The following ACTR3C variants were observed in gnomAD, a reference collection of about 807,000 sequenced individuals.
The protein encoded by ACTR3C is actin related protein 3C.
Under a neutral mutation model 26.3 loss-of-function variants are expected in ACTR3C, and 18 were observed. The ratio of observed to expected loss-of-function variants is 0.68; its 90% confidence interval spans 0.47 to 1.01. ACTR3C has a LOEUF of 1.01. Among genes scored for constraint, ACTR3C ranks in the 50% least tolerant of loss-of-function variants. The probability of loss-of-function intolerance (pLI) is 0.00; values close to 1 mark genes in which losing one functional copy is unlikely to be tolerated. For missense variants in ACTR3C, 184 were observed against 250.7 expected (o/e 0.73, Z 1.80); for synonymous variants, 55 against 94.5 (o/e 0.58, Z 2.42).
chr7:149,898,447 T>G, the ACTR3C span, among the ~76,000 whole-genome samples: 3 of 152,238 alleles, frequency 2.0e-5, no homozygotes, highest in Non-Finnish European at 4.4e-5. Flanking sequence ...GGCTCACGCC[T>G]GTAATCCCAA....
rs115014566 is a variant in ACTR3C at position 150,307,311 on chromosome 7, C to T, written c.-51-11964G>A. Reference sequence around the variant, plus strand: ...TGCACATGTACATCCAGATGGCCTGCAGGAGCCAAGAAGTCTGGTGCAGCC... The same window carrying T: ...TGCACATGTACATCCAGATGGCCTGTAGGAGCCAAGAAGTCTGGTGCAGCC... On this transcript the variant is annotated intron_variant, in intron 1 of 7. Coordinates refer to ENST00000683684, the MANE Select transcript of ACTR3C (RefSeq NM_001164458.2). 6.7e-3 allele frequency among the ~76,000 whole-genome samples: 1,019 copies of T among 152,344 alleles called. 17 individuals are homozygous for T. Among genetic ancestry groups the T allele is most frequent in the African/African-American group, 0.022 (935 of 41,582 alleles).
At chr7:149,949,585 T>A in the ACTR3C span, among the ~76,000 whole-genome samples, 1 of 147,210 alleles carries the variant, frequency 6.8e-6, no homozygotes, top group Middle Eastern at 3.4e-3. Context: ...GACGAGAGAA[T>A]GAGAACTGGG....
the ACTR3C span, among the ~76,000 whole-genome samples, chr7:149,911,188 A>G: frequency 1.4e-3 from 218 of 152,094 alleles, no homozygotes; most frequent in African/African-American, 5.1e-3. Context: ...TATTTCTGGA[A>G]TTATATTCCA....
intron 6 of ACTR3C, among the ~76,000 whole-genome samples, chr7:150,280,257 G>C (rs1266448094): frequency 6.6e-6 from 1 of 152,092 alleles, no homozygotes; most frequent in Non-Finnish European, 1.5e-5. Flanking sequence ...TGAAGCCCAC[G>C]GTGGGCCCAG....
the ACTR3C span, among the ~76,000 whole-genome samples, chr7:149,961,467 C>G: frequency 6.6e-6 from 1 of 151,774 alleles, no homozygotes; most frequent in East Asian, 1.9e-4. Context: ...GAAGCATGCT[C>G]TCTTAGGAAG....
the ACTR3C span, among the ~76,000 whole-genome samples, chr7:150,095,426 A>T: frequency 6.6e-6 from 1 of 150,708 alleles, no homozygotes; most frequent in Non-Finnish European, 1.5e-5. Flanking sequence ...AGGCTATTCC[A>T]TAAGGCTAGA....
chr7:149,914,518 T>C, the ACTR3C span, among the ~76,000 whole-genome samples: 7 of 151,628 alleles, frequency 4.6e-5, no homozygotes, highest in South Asian at 1.5e-3. Context: ...GCGTGAGCCC[T>C]GGCGCCACTG....
the ACTR3C span, among the ~76,000 whole-genome samples, chr7:150,111,952 G>A: frequency 2.0e-5 from 3 of 152,038 alleles, no homozygotes; most frequent in East Asian, 1.9e-4. Flanking sequence ...CTGACTCCTC[G>A]TTTTTTAAGT....
At chr7:149,970,690 A>G in the ACTR3C span, among the ~76,000 whole-genome samples, 19 of 152,264 alleles carry the variant, frequency 1.2e-4, no homozygotes, top group South Asian at 4.2e-4. Context: ...CAACCAACCA[A>G]AATGCTAAAT....
chr7:149,991,857 G>A, the ACTR3C span, among the ~76,000 whole-genome samples: 1 of 152,226 alleles, frequency 6.6e-6, no homozygotes, highest in African/African-American at 2.4e-5. Flanking sequence ...AGCCTCTGGA[G>A]TAGCTGGGAC....
At chr7:150,055,037 G>C in the ACTR3C span, among the ~76,000 whole-genome samples, 1 of 152,218 alleles carries the variant, frequency 6.6e-6, no homozygotes, top group African/African-American at 2.4e-5. Context: ...AGGACTGTTA[G>C]AAACCACTAG....
At chr7:150,089,608 G>A in the ACTR3C span, among the ~76,000 whole-genome samples, 1 of 152,160 alleles carries the variant, frequency 6.6e-6, no homozygotes, top group South Asian at 2.1e-4. Flanking sequence ...TTATGTTAAA[G>A]GTTATCCTGC....
the ACTR3C span, among the ~76,000 whole-genome samples, chr7:150,029,514 C>T: frequency 6.6e-6 from 1 of 151,852 alleles, no homozygotes; most frequent in South Asian, 2.1e-4. Context: ...TTGCAGTGAG[C>T]TATGATCATA....
intron 1 of ACTR3C, among the ~76,000 whole-genome samples, chr7:150,300,238 C>A (rs1444333769): frequency 6.6e-6 from 1 of 151,880 alleles, no homozygotes; most frequent in Non-Finnish European, 1.5e-5. Context: ...GTAGTCCTAG[C>A]TACTCAGGAG....
At chr7:149,995,273 T>C in the ACTR3C span, among the ~76,000 whole-genome samples, 1 of 152,280 alleles carries the variant, frequency 6.6e-6, no homozygotes, top group Non-Finnish European at 1.5e-5. Flanking sequence ...CCTTTTCTGA[T>C]AAGATTTCCT....
the ACTR3C span, among the ~76,000 whole-genome samples, chr7:149,930,326 A>G: frequency 6.6e-6 from 1 of 152,372 alleles, no homozygotes; most frequent in Admixed American, 6.5e-5. Context: ...GTATTTTGAT[A>G]TAAAAGGATA....
At chr7:150,175,344 G>A in the ACTR3C span, among the ~76,000 whole-genome samples, 2 of 142,172 alleles carry the variant, frequency 1.4e-5, no homozygotes, top group Middle Eastern at 3.4e-3. Flanking sequence ...AGATACACAT[G>A]TTCCCCACCT....
the ACTR3C span, among the ~76,000 whole-genome samples, chr7:150,091,898 G>A: frequency 2.8e-5 from 4 of 143,140 alleles, no homozygotes; most frequent in African/African-American, 1.0e-4. Context: ...TGAGGCAGGA[G>A]AATGGCGTGA....
chr7:149,898,782 C>T, the ACTR3C span, among the ~76,000 whole-genome samples: 4,039 of 152,212 alleles, frequency 0.027, 151 homozygotes, highest in African/African-American at 0.093. Context: ...AAGTATACTT[C>T]TTTTAACAAC....
Sources: allele counts gnomAD v4.1 joint callset (sites outside exome capture counted in the v4.1 genomes callset), GRCh38; gene constraint gnomAD v4.1.1; transcripts MANE v1.5; gene names NCBI Gene and HGNC (gene_info 2026-07-23, HGNC 2026-07-21).